GRID2: variants seen among roughly 807,000 people sequenced by gnomAD.
GRID2 encodes the protein glutamate ionotropic receptor delta type subunit 2.
A neutral mutation model predicts 114.8 loss-of-function variants in GRID2; 33 were observed. The ratio of observed to expected loss-of-function variants is 0.29; its 90% CI spans 0.22 to 0.38. The LOEUF (loss-of-function observed/expected upper bound fraction) is 0.38. Ranked by LOEUF, GRID2 falls within the 10% of genes least tolerant of loss-of-function variation. GRID2 has a pLI of 1.00. For missense variants in GRID2, 1,184 were observed against 1,257.7 expected (o/e 0.94, Z 0.89); for synonymous variants, 505 against 449.9 (o/e 1.12, Z -1.55).
chr4:93,765,353 A>T (rs971897452), intron 14 of GRID2, among the ~76,000 whole-genome samples: 6 of 151,962 alleles, frequency 3.9e-5, no homozygotes, highest in Admixed American at 3.3e-4. Flanking sequence ...AGATGGTCCA[A>T]TTTCTCTGTA....
At chr4:92,806,465 G>C (rs533937344) in intron 2 of GRID2, among the ~76,000 whole-genome samples, 1 of 151,462 alleles carries the variant, frequency 6.6e-6, no homozygotes, top group Non-Finnish European at 1.5e-5. Context: ...CCCTTTCCTA[G>C]TATGTATTTT....
At chr4:93,275,552 T>C (rs1751964673) in intron 8 of GRID2, among the ~76,000 whole-genome samples, 1 of 151,804 alleles carries the variant, frequency 6.6e-6, no homozygotes, top group Admixed American at 6.6e-5. Context: ...AGTGTCTCCA[T>C]TGGCAATATA....
intron 14 of GRID2, among the ~76,000 whole-genome samples, chr4:93,746,647 G>A (rs947124275): frequency 6.6e-6 from 1 of 151,968 alleles, no homozygotes; most frequent in African/African-American, 2.4e-5. Context: ...AAACCTCAAA[G>A]CATTTTGGTA....
At chr4:92,428,868 AT>A (rs975038432) in intron 1 of GRID2, among the ~76,000 whole-genome samples, 5 of 151,894 alleles carry the variant, frequency 3.3e-5, no homozygotes, top group African/African-American at 9.7e-5. Context: ...TTCCACAAAC[AT>A]TTTTTTTAAA....
chr4:92,817,518 A>G (rs888971873), intron 2 of GRID2, among the ~76,000 whole-genome samples: 2 of 152,146 alleles, frequency 1.3e-5, no homozygotes, highest in Non-Finnish European at 2.9e-5. Flanking sequence ...ATATCTCCTC[A>G]TAAATATCTA....
intron 1 of GRID2, among the ~76,000 whole-genome samples, chr4:92,578,762 A>ATCTATCTG (rs1359205977): frequency 6.6e-6 from 1 of 151,948 alleles, no homozygotes; most frequent in Non-Finnish European, 1.5e-5. Flanking sequence ...CTATCTATCT[A>ATCTATCTG]TCTACATATT....
At chr4:92,340,154 A>G (rs1222493134) in intron 1 of GRID2, among the ~76,000 whole-genome samples, 1 of 152,198 alleles carries the variant, frequency 6.6e-6, no homozygotes, top group African/African-American at 2.4e-5. Context: ...TGGAGAAATT[A>G]TGATTCTAGT....
At chr4:93,791,090 A>G (rs1413564209) in intron 1 of GRID2, among the ~76,000 whole-genome samples, 1 of 152,228 alleles carries the variant, frequency 6.6e-6, no homozygotes. Context: ...CTAACATTTT[A>G]CCTTCCAATC....
At chr4:93,251,709 T>C (rs1385106500) in intron 8 of GRID2, among the ~76,000 whole-genome samples, 1 of 152,182 alleles carries the variant, frequency 6.6e-6, no homozygotes, top group Non-Finnish European at 1.5e-5. Flanking sequence ...TTCCCCTCTA[T>C]GAATACACGT....
At position 92,614,067 on chromosome 4, in the gene GRID2, T is replaced by C. The variant is rs971939790; in HGVS notation, c.244+23781T>C. On this transcript the variant is annotated intron_variant, in intron 2 of 15. Coordinates refer to ENST00000282020, the MANE Select transcript of GRID2 (RefSeq NM_001510.4). ...GCATTCCATATCCTCCTTCTAGCTATTTGAAACCATATATTATTATTAACT... is the reference window on the plus strand; with the variant it reads ...GCATTCCATATCCTCCTTCTAGCTACTTGAAACCATATATTATTATTAACT... Among the ~76,000 whole-genome samples the C allele has an allele frequency of 5.3e-5, 8 of 151,422 alleles. 1 individual carries two copies. Among genetic ancestry groups the C allele is most frequent in the Non-Finnish European group, 1.2e-4 (8 of 67,644 alleles).
intron 2 of GRID2, among the ~76,000 whole-genome samples, chr4:93,045,635 C>G (rs1243001049): frequency 6.6e-6 from 1 of 152,100 alleles, no homozygotes; most frequent in Non-Finnish European, 1.5e-5. Context: ...TTAAAACTTA[C>G]TTTTATTAAC....
intron 1 of GRID2, among the ~76,000 whole-genome samples, chr4:92,572,318 C>G (rs895113770): frequency 2.6e-5 from 4 of 152,068 alleles, no homozygotes; most frequent in African/African-American, 9.7e-5. Context: ...ATACACCCTC[C>G]CAAGACTAAA....
At chr4:92,391,923 C>T (rs2110261695) in intron 1 of GRID2, among the ~76,000 whole-genome samples, 1 of 152,270 alleles carries the variant, frequency 6.6e-6, no homozygotes, top group South Asian at 2.1e-4. Flanking sequence ...CTGCTAAAAT[C>T]AATTCTGGAA....
At chr4:92,381,477 T>C (rs529398731) in intron 1 of GRID2, among the ~76,000 whole-genome samples, 5 of 151,540 alleles carry the variant, frequency 3.3e-5, no homozygotes, top group East Asian at 3.9e-4. Context: ...ATTATTTGTA[T>C]GTAAACTCTA....
chr4:93,377,790 G>A (rs1392555685), intron 8 of GRID2, among the ~76,000 whole-genome samples: 1 of 152,026 alleles, frequency 6.6e-6, no homozygotes, highest in South Asian at 2.1e-4. Context: ...ATCAAAATGA[G>A]TCTCAAAATT....
At chr4:93,677,761 C>T (rs1013307774) in intron 14 of GRID2, among the ~76,000 whole-genome samples, 3 of 152,072 alleles carry the variant, frequency 2.0e-5, no homozygotes, top group Non-Finnish European at 4.4e-5. Context: ...AAAGGACATC[C>T]ACACCAAAAA....
intron 1 of GRID2, among the ~76,000 whole-genome samples, chr4:92,486,659 G>T (rs759734210): frequency 1.3e-5 from 2 of 150,852 alleles, no homozygotes; most frequent in Admixed American, 1.3e-4. Flanking sequence ...CCAATGGAAT[G>T]GAGGAAAATA....
intron 9 of GRID2, among the ~76,000 whole-genome samples, chr4:93,407,723 T>C (rs375800823): frequency 0.019 from 1,237 of 64,008 alleles, 45 homozygotes; most frequent in African/African-American, 0.043. Flanking sequence ...TCCTCCTCCT[T>C]CTCCTCCTCC....
intron 2 of GRID2, among the ~76,000 whole-genome samples, chr4:92,803,304 G>C (rs958867224): frequency 2.0e-5 from 3 of 151,834 alleles, no homozygotes; most frequent in Non-Finnish European, 2.9e-5. Flanking sequence ...TAATTCAGGA[G>C]TTTTCCTGGA....
Sources: allele counts gnomAD v4.1 joint callset (sites outside exome capture counted in the v4.1 genomes callset), GRCh38; gene constraint gnomAD v4.1.1; transcripts MANE v1.5; gene names NCBI Gene and HGNC (gene_info 2026-07-23, HGNC 2026-07-21).